The following CEP68 variants were observed in gnomAD, a reference collection of about 807,000 sequenced individuals.
CEP68 encodes the protein centrosomal protein of 68 kDa.
In CEP68, 26 loss-of-function variants were observed where a neutral mutation model predicts 55.3. The observed-to-expected ratio is 0.47, with a 90% CI of 0.34 to 0.65. The LOEUF is 0.65. Ranked by LOEUF, CEP68 falls within the 30% of genes least tolerant of loss-of-function variation. The pLI, the probability that CEP68 is intolerant of heterozygous loss-of-function variation, is 0.01. For missense variants in CEP68, 957 were observed against 946.7 expected (o/e 1.01, Z -0.14); for synonymous variants, 402 against 383.2 (o/e 1.05, Z -0.57).
chr2:65,077,786 C>A, intron 4 of CEP68, 82 bp from the exon 5 acceptor site: 1 of 1,038,362 alleles, frequency 9.6e-7, no homozygotes, highest in Non-Finnish European at 1.5e-6. Context: ...TAAGGCTTCC[C>A]TACATGCTGT....
chr2:65,071,762 CAAG>C lies in CEP68; in HGVS notation c.667_669del (p.Lys223del). ...CGGAGCCTCGTGGTGGTTCTCTGGC[CAAG>C]GTCTCCTCCTCCCTGGAGCCGGTCG... On this transcript the variant is annotated inframe_deletion, in exon 3 of 7. Coordinates refer to ENST00000377990, the MANE Select transcript of CEP68 (RefSeq NM_015147.3). 1.2e-6 allele frequency: 2 copies of C among 1,613,400 alleles called. No individual in the cohort carries two copies. The highest frequency in any genetic ancestry group is 1.7e-6 in the Non-Finnish European group (2 of 1,179,528).
chr2:65,084,793 C>G lies in CEP68; in HGVS notation c.*1159C>G, dbSNP rs1668980199. 1 of 152,228 alleles carries G rather than the reference C, an allele frequency of 6.6e-6. No homozygotes were observed. The highest frequency in any genetic ancestry group is 1.5e-5 in the Non-Finnish European group (1 of 68,036). The allele number at this position is 152,228 out of a possible 1,614,324, so 9.4% of individuals were successfully genotyped here. On this transcript the variant is annotated 3_prime_UTR_variant, in exon 7 of 7. Transcript: ENST00000377990. ...AATTCTTTAAAGATTAGCTCTTCAA[C>G]AGTAGCTACACATAAAATGCAGTAT...
chr2:65,077,539 C>A (rs1676822281), intron 4 of CEP68, among the ~76,000 whole-genome samples: 1 of 152,124 alleles, frequency 6.6e-6, no homozygotes, highest in South Asian at 2.1e-4. Flanking sequence ...CTGAGACTCC[C>A]ATAGCCCTGA....
Position 65,072,836 on chromosome 2 carries a change from CG to C in CEP68, c.1744del (p.Val582SerfsTer6). The C allele has an allele frequency of 6.2e-7, 1 of 1,614,166 alleles. No individual in the cohort carries two copies. The highest frequency in any genetic ancestry group is 8.5e-7 in the Non-Finnish European group (1 of 1,180,034). On this transcript the variant is annotated frameshift_variant, in exon 3 of 7. Transcript: ENST00000377990. LOFTEE classifies it high-confidence loss of function. Reference protein sequence around the residue: ...EGSLGSSQALGVSSGLLKTRP... With the variant: ...EGSLGSSQALXVSSGLLKTRP... ...GCAGTCTGGGGAGCAGCCAGGCCCT[CG>C]GGGTCTCCTCTGGACTGCTGAAAAC...
intron 1 of CEP68, among the ~76,000 whole-genome samples, chr2:65,065,955 T>TAA (rs59986437): frequency 0.011 from 1,370 of 129,404 alleles, 7 homozygotes; most frequent in Middle Eastern, 0.019. Flanking sequence ...GACTTCATCT[T>TAA]AAAAAAAAAA....
At position 65,069,388 on chromosome 2, in the gene CEP68, C is replaced by T. The variant is rs1676346618; in HGVS notation, c.-46-11C>T. On this transcript the variant is annotated splice_polypyrimidine_tract_variant and intron_variant, in intron 1 of 6. Transcript: ENST00000377990. ...GATTTATATTTTTCTCTCCCTTCCC[C>T]TGTTTTGTAGGAAGCTGAAGTCTTC... The T allele has an allele frequency of 1.5e-6, 2 of 1,301,236 alleles. No homozygotes were observed. Among genetic ancestry groups the T allele is most frequent in the African/African-American group, 1.5e-5 (1 of 68,212 alleles). The allele number at this position is 1,301,236 out of a possible 1,614,324, so 80.6% of individuals were successfully genotyped here. A position where few individuals can be genotyped will look rare whatever the true frequency, so the allele number is the denominator to read the frequency against.
intron 1 of CEP68, among the ~76,000 whole-genome samples, chr2:65,065,943 G>A (rs1274406151): frequency 6.8e-6 from 1 of 148,034 alleles, no homozygotes; most frequent in African/African-American, 2.5e-5. Flanking sequence ...GTGACAAACC[G>A]AGACTTCATC....
At chr2:65,074,494 C>G (rs758515664) in intron 4 of CEP68, 90 bp downstream of exon 4, 2 of 1,573,308 alleles carry the variant, frequency 1.3e-6, no homozygotes, top group Non-Finnish European at 1.7e-6. Flanking sequence ...TAACCAATGT[C>G]TGGTATGTTA....
chr2:65,082,262 AAT>A (rs1158937271), intron 5 of CEP68, among the ~76,000 whole-genome samples: 1 of 152,140 alleles, frequency 6.6e-6, no homozygotes, highest in African/African-American at 2.4e-5. Context: ...AGAAAACCAT[AAT>A]ATCTCTGTGC....
At chr2:65,064,243 C>A (rs1676045705) in intron 1 of CEP68, among the ~76,000 whole-genome samples, 1 of 152,164 alleles carries the variant, frequency 6.6e-6, no homozygotes, top group South Asian at 2.1e-4. Context: ...CCCTATCTCT[C>A]CAGGCTAAAT....
At chr2:65,063,320 G>A (rs192080080) in intron 1 of CEP68, among the ~76,000 whole-genome samples, 2 of 152,350 alleles carry the variant, frequency 1.3e-5, no homozygotes, top group Admixed American at 6.5e-5. Flanking sequence ...CTTTCTCAGA[G>A]GGTAAGGTTG....
chr2:65,086,269 ACT>A lies in CEP68; in HGVS notation c.*2638_*2639del, dbSNP rs746104500. The A allele has an allele frequency of 6.6e-6, 1 of 152,186 alleles. No homozygotes were observed. Among genetic ancestry groups the A allele is most frequent in the East Asian group, 1.9e-4 (1 of 5,188 alleles). The allele number at this position is 152,186 out of a possible 1,614,324, so 9.4% of individuals were successfully genotyped here. Reference sequence around the variant, plus strand: ...TGTGCAGCTGCTTAGATTTAAGAACACTCTTCTTCACTATGTAAACTAATTTA... The same window carrying A: ...TGTGCAGCTGCTTAGATTTAAGAACACTTCTTCACTATGTAAACTAATTTA... On this transcript the variant is annotated 3_prime_UTR_variant, in exon 7 of 7. Coordinates refer to ENST00000377990, the MANE Select transcript of CEP68 (RefSeq NM_015147.3).
chr2:65,072,822 A>T lies in CEP68; in HGVS notation c.1726A>T (p.Ser576Cys). The T allele has an allele frequency of 2.5e-6, 4 of 1,614,116 alleles. No individual in the cohort carries two copies. Among genetic ancestry groups the T allele is most frequent in the Non-Finnish European group, 3.4e-6 (4 of 1,180,034 alleles). ...HDSAGEGSLG[S>C]SQALGVSSGL... ...CTCCGCAGGGGAAGGCAGTCTGGGGAGCAGCCAGGCCCTCGGGGTCTCCTC... is the reference window on the plus strand; with the variant it reads ...CTCCGCAGGGGAAGGCAGTCTGGGGTGCAGCCAGGCCCTCGGGGTCTCCTC... The change falls in exon 3 of 7, where the codon AGC becomes TGC. Residue 576 changes from serine (S) to cysteine (C), a missense_variant. Transcript: ENST00000377990.
At chr2:65,080,552 C>T in intron 5 of CEP68, 1 of 985,212 alleles carries the variant, frequency 1.0e-6, no homozygotes, top group African/African-American at 1.7e-5. Flanking sequence ...TGCGCAGTGG[C>T]TCACGCCTGT....
intron 2 of CEP68, chr2:65,070,898 CA>C: frequency 6.5e-6 from 1 of 153,676 alleles, no homozygotes; most frequent in Non-Finnish European, 1.4e-5. Flanking sequence ...TGTCTGGCTC[CA>C]AAACCCATGT....
chr2:65,080,440 G>A (rs1676958416), intron 5 of CEP68: 1 of 985,260 alleles, frequency 1.0e-6, no homozygotes, highest in African/African-American at 1.7e-5. Flanking sequence ...AAAGTCCATA[G>A]AGCCAGCCTA....
At chr2:65,068,664 T>C (rs978894369) in intron 1 of CEP68, among the ~76,000 whole-genome samples, 1 of 151,926 alleles carries the variant, frequency 6.6e-6, no homozygotes, top group Non-Finnish European at 1.5e-5. Context: ...CTGTCTCTAC[T>C]AAAAATAGAA....
chr2:65,077,824 T>C, intron 4 of CEP68, 44 bp from the exon 5 acceptor site: 1 of 1,436,422 alleles, frequency 7.0e-7, no homozygotes, highest in Non-Finnish European at 9.8e-7. Context: ...TACAAAACAA[T>C]AGTAACGAAG....
At chr2:65,068,130 G>A (rs1169533536) in intron 1 of CEP68, among the ~76,000 whole-genome samples, 8 of 152,132 alleles carry the variant, frequency 5.3e-5, no homozygotes, top group South Asian at 2.1e-4. Context: ...AGTGCACTCC[G>A]GGTGGCTGCC....
Sources: allele counts gnomAD v4.1 joint callset (sites outside exome capture counted in the v4.1 genomes callset), GRCh38; gene constraint gnomAD v4.1.1; transcripts MANE v1.5; gene names NCBI Gene and HGNC (gene_info 2026-07-23, HGNC 2026-07-21).